MSI2: variants seen among roughly 807,000 people sequenced by gnomAD.
MSI2 encodes RNA-binding protein Musashi homolog 2.
In MSI2, 17 loss-of-function variants were observed where a neutral mutation model predicts 45.6. The observed-to-expected ratio is 0.37, with a 90% CI of 0.26 to 0.56. The LOEUF is 0.56. MSI2 is among the 20% of genes least tolerant of loss of function. The pLI, the probability that MSI2 is intolerant of heterozygous loss-of-function variation, is 0.77. For synonymous variants in MSI2, 156 were observed against 158.2 expected (o/e 0.99, Z 0.11); for missense variants, 293 against 444.2 (o/e 0.66, Z 3.06).
At chr17:57,573,886 C>T (rs1393305331) in intron 7 of MSI2, among the ~76,000 whole-genome samples, 8 of 152,072 alleles carry the variant, frequency 5.3e-5, no homozygotes, top group African/African-American at 9.7e-5. Context: ...GCCTTGAGGG[C>T]GAGGGCAGGC....
intron 6 of MSI2, chr17:57,523,031 T>C (rs921347232): frequency 1.3e-5 from 2 of 151,196 alleles, no homozygotes; most frequent in African/African-American, 4.9e-5. Context: ...CCTCCCTCCA[T>C]GTACCTTTGC....
chr17:57,509,903 G>T (rs955741223), intron 6 of MSI2, among the ~76,000 whole-genome samples: 2 of 151,994 alleles, frequency 1.3e-5, no homozygotes, highest in Non-Finnish European at 2.9e-5. Flanking sequence ...TGGCCAAATG[G>T]CAGTTTCTCC....
rs1392447134 is a variant in MSI2, at chr17:57,285,911, C to T, written c.312+23719C>T. ...GATGAGGGGTTATATTAAGAAAGTA[C>T]TAAAGAATACGTCTTATCACGTGAA... On this transcript the variant is annotated intron_variant, in intron 5 of 13. Coordinates refer to ENST00000284073, the MANE Select transcript of MSI2 (RefSeq NM_138962.4). 3 of 1,533,550 alleles carry T rather than the reference C, an allele frequency of 2.0e-6. No individual in the cohort carries two copies. In the South Asian group the frequency reaches 3.6e-5, roughly 18 times the overall value. 95.0% of individuals were successfully genotyped at this position (1,533,550 alleles called of 1,614,324 possible).
chr17:57,296,277 TG>T (rs1442562730), intron 5 of MSI2, among the ~76,000 whole-genome samples: 1 of 152,164 alleles, frequency 6.6e-6, no homozygotes, highest in African/African-American at 2.4e-5. Context: ...ATTAATTTTT[TG>T]TTAGGCTCCT....
chr17:57,482,144 G>A (rs779268216), intron 6 of MSI2, among the ~76,000 whole-genome samples: 1 of 152,178 alleles, frequency 6.6e-6, no homozygotes, highest in Non-Finnish European at 1.5e-5. Flanking sequence ...CTGCTGGAGA[G>A]AACTGAAAGA....
intron 7 of MSI2, among the ~76,000 whole-genome samples, chr17:57,572,809 C>T (rs1598411526): frequency 6.6e-6 from 1 of 152,194 alleles, no homozygotes; most frequent in Non-Finnish European, 1.5e-5. Context: ...CCTGCTTCCC[C>T]GCCGTCCTGA....
intron 6 of MSI2, among the ~76,000 whole-genome samples, chr17:57,499,076 T>C (rs2086042295): frequency 6.6e-6 from 1 of 152,008 alleles, no homozygotes; most frequent in African/African-American, 2.4e-5. Flanking sequence ...GGGCTTTTTT[T>C]CCTCAAGCTA....
intron 10 of MSI2, among the ~76,000 whole-genome samples, chr17:57,648,169 G>GTGTGTGTGTGTT (rs1567958384): frequency 1.3e-5 from 2 of 148,766 alleles, no homozygotes; most frequent in Non-Finnish European, 3.0e-5. Context: ...GTGTGTGTGT[G>GTGTGTGTGTGTT]TGTGTGTGTG....
chr17:57,686,514 G>A (rs9905227), downstream of MSI2, among the ~76,000 whole-genome samples: 40,913 of 152,044 alleles, frequency 0.27, 6,210 homozygotes, highest in East Asian at 0.45. Context: ...GTTACGTGCT[G>A]TGTATACAAA....
At chr17:57,535,392 C>G (rs140261967) in intron 7 of MSI2, among the ~76,000 whole-genome samples, 1 of 152,190 alleles carries the variant, frequency 6.6e-6, no homozygotes, top group Non-Finnish European at 1.5e-5. Flanking sequence ...AAGCTAATCC[C>G]ATAGCCTGGT....
intron 6 of MSI2, among the ~76,000 whole-genome samples, chr17:57,443,659 C>A (rs1437771673): frequency 6.6e-6 from 1 of 152,140 alleles, no homozygotes; most frequent in Non-Finnish European, 1.5e-5. Flanking sequence ...CTCCCTGCCC[C>A]CTGAATGTGT....
chr17:57,373,819 C>T (rs1598183973), intron 5 of MSI2, among the ~76,000 whole-genome samples: 1 of 152,336 alleles, frequency 6.6e-6, no homozygotes, highest in East Asian at 1.9e-4. Context: ...GAGGATATTG[C>T]TGCAGAATAA....
At chr17:57,349,620 G>A (rs1431098892) in intron 5 of MSI2, among the ~76,000 whole-genome samples, 1 of 152,194 alleles carries the variant, frequency 6.6e-6, no homozygotes. Flanking sequence ...TTGTGTCTAA[G>A]TACCATGTCA....
intron 6 of MSI2, among the ~76,000 whole-genome samples, chr17:57,488,866 C>T (rs2085808112): frequency 6.6e-6 from 1 of 151,834 alleles, no homozygotes; most frequent in African/African-American, 2.4e-5. Flanking sequence ...AGTGACAGCA[C>T]ATTAGAGCTG....
the MSI2 span, among the ~76,000 whole-genome samples, chr17:57,699,182 A>AGAGAGAGAGT: frequency 7.2e-4 from 18 of 25,082 alleles, 2 homozygotes; most frequent in East Asian, 2.1e-3. Flanking sequence ...AGAGAGAGAG[A>AGAGAGAGAGT]GTGTGTGTGT....
At chr17:57,455,445 T>C (rs1168579331) in intron 6 of MSI2, among the ~76,000 whole-genome samples, 2 of 152,204 alleles carry the variant, frequency 1.3e-5, no homozygotes, top group African/African-American at 4.8e-5. Context: ...CAGCCGCTTG[T>C]GTTTTAAAAC....
chr17:57,538,250 G>A (rs1036117531), intron 7 of MSI2, among the ~76,000 whole-genome samples: 5 of 152,130 alleles, frequency 3.3e-5, no homozygotes, highest in East Asian at 3.8e-4. Flanking sequence ...GCCAGGGGTC[G>A]CCGCAAGCCC....
At chr17:57,619,307 G>A (rs1466433134) in intron 9 of MSI2, among the ~76,000 whole-genome samples, 2 of 152,222 alleles carry the variant, frequency 1.3e-5, no homozygotes, top group South Asian at 4.1e-4. Context: ...GTAGCCTTGG[G>A]ACACAGTGCT....
chr17:57,422,782 T>C (rs2084420489), intron 6 of MSI2, among the ~76,000 whole-genome samples: 1 of 152,252 alleles, frequency 6.6e-6, no homozygotes, highest in Non-Finnish European at 1.5e-5. Context: ...AAGCCTTTTT[T>C]TCATTTTAAT....
Sources: allele counts gnomAD v4.1 joint callset (sites outside exome capture counted in the v4.1 genomes callset), GRCh38; gene constraint gnomAD v4.1.1; transcripts MANE v1.5; gene names NCBI Gene and HGNC (gene_info 2026-07-23, HGNC 2026-07-21).